ZFP91: variants seen among roughly 807,000 people sequenced by gnomAD.
ZFP91 encodes the protein ZFP91 zinc finger protein, atypical E3 ubiquitin ligase.
ZFP91 carries 7 observed loss-of-function variants against 63.5 expected under a neutral mutation model. The ratio of observed to expected loss-of-function variants is 0.11; its 90% CI spans 0.06 to 0.21. ZFP91 has a LOEUF of 0.21. Ranked by LOEUF, ZFP91 falls within the 10% of genes least tolerant of loss-of-function variation. The pLI, the probability that ZFP91 is intolerant of heterozygous loss-of-function variation, is 1.00. For missense variants in ZFP91, 628 were observed against 736.6 expected (o/e 0.85, Z 1.71); for synonymous variants, 330 against 272.1 (o/e 1.21, Z -2.10).
chr11:58,617,216 C>T lies in ZFP91; in HGVS notation c.1223C>T (p.Thr408Ile). 1 of 1,596,706 alleles carries T rather than the reference C, an allele frequency of 6.3e-7. No individual in the cohort carries two copies. The highest frequency in any genetic ancestry group is 8.5e-7 in the Non-Finnish European group (1 of 1,172,442). Residue 408 changes from threonine to isoleucine, a missense_variant, in exon 11 of 11, where the codon ACT becomes ATT. Thr to Ile is a moderately conservative substitution (Grantham distance 89, BLOSUM62 -1). This residue lies in a region of ZFP91 where 76 missense variants were observed against 230.9 expected (regional missense o/e 0.33). Coordinates refer to ENST00000316059, the MANE Select transcript of ZFP91 (RefSeq NM_053023.5). This position sits in a 1 kb window ranked among gnomAD's most constrained non-coding sequence, Gnocchi z 4.2. ...KPLQCEICGF[T>I]CRQKASLNWH... ...CTTAGATGTGAGATCTGTGGATTTA[C>T]TTGTCGACAAAAGGCATCTCTTAAT...
chr11:58,616,951 A>G (rs925593760), intron 10 of ZFP91, 136 bp downstream of exon 10: 10 of 904,122 alleles, frequency 1.1e-5, no homozygotes, highest in African/African-American at 6.7e-5. Context: ...GATTGGGGGC[A>G]TTAGTTAGTA....
chr11:58,597,147 A>G lies in ZFP91; in HGVS notation c.370+12263A>G, dbSNP rs73470735. 6.4e-3 allele frequency among the ~76,000 whole-genome samples: 979 copies of G among 152,274 alleles called. 12 individuals carry two copies. Among genetic ancestry groups the G allele is most frequent in the African/African-American group, 0.023 (948 of 41,566 alleles). ...AGCATCAATGGAACCAGTCTAGAAAATTAGTTCTTGTTTTCCTGACCTTTT... is the reference window on the plus strand; with the variant it reads ...AGCATCAATGGAACCAGTCTAGAAAGTTAGTTCTTGTTTTCCTGACCTTTT... On this transcript the variant is annotated intron_variant, in intron 2 of 10. Transcript: ENST00000316059.
Position 58,617,779 on chromosome 11 carries a change from C to G in ZFP91, c.*73C>G. 1 of 1,437,636 alleles carries G rather than the reference C, an allele frequency of 7.0e-7. No homozygotes were observed. Among genetic ancestry groups the G allele is most frequent in the African/African-American group, 1.4e-5 (1 of 69,278 alleles). The allele number at this position is 1,437,636 out of a possible 1,614,324, so 89.1% of individuals were successfully genotyped here. A position where few individuals can be genotyped will look rare whatever the true frequency, so the allele number is the denominator to read the frequency against. On this transcript the variant is annotated 3_prime_UTR_variant, in exon 11 of 11. Coordinates refer to ENST00000316059, the MANE Select transcript of ZFP91 (RefSeq NM_053023.5). The surrounding 1 kb of genome is among the most constrained non-coding windows in gnomAD (Gnocchi z 4.2). The stretch of plus-strand genomic sequence containing the variant: ...AAGTTAAAAAGGACAAAAAAAAAAT[C>G]TAAAGCATTTAAAATCTAGTGAAAT...
Position 58,617,560 on chromosome 11 carries a change from A to C in ZFP91, c.1567A>C (p.Thr523Pro), listed in dbSNP as rs1855769937. 2 of 1,613,304 alleles carry C rather than the reference A, an allele frequency of 1.2e-6. No homozygotes were observed. The highest frequency in any genetic ancestry group is 1.7e-6 in the Non-Finnish European group (2 of 1,179,724). ...GATGTCAAAGTCATACTGCAGTGGG[A>C]CGGAACGGGTGAGCCTGATGGCTGA... ...EGMSKSYCSG[T>P]ERVSLMADGK... The change falls in exon 11 of 11, where the codon ACG becomes CCG. Residue 523 changes from threonine to proline, a missense_variant. By Grantham distance (38) the Thr-to-Pro change is conservative (BLOSUM62 -1). Around this residue, in one of 3 missense-constraint regions of ZFP91, gnomAD observed 115 missense variants for 125.4 expected, o/e 0.92. Coordinates refer to ENST00000316059, the MANE Select transcript of ZFP91 (RefSeq NM_053023.5). The surrounding 1 kb of genome is among the most constrained non-coding windows in gnomAD (Gnocchi z 4.2).
At chr11:58,580,161 A>C (rs537736017) in intron 1 of ZFP91, among the ~76,000 whole-genome samples, 1 of 146,168 alleles carries the variant, frequency 6.8e-6, no homozygotes, top group Non-Finnish European at 1.5e-5. Flanking sequence ...TTTGCCACTT[A>C]TTATGGTCAG....
At chr11:58,612,604 C>T (rs1855684769) in intron 7 of ZFP91, 158 bp from the exon 8 acceptor site, 2 of 650,920 alleles carry the variant, frequency 3.1e-6, no homozygotes, top group South Asian at 4.1e-5. Flanking sequence ...TTGGTTACTT[C>T]TAATACAAAT....
intron 2 of ZFP91, among the ~76,000 whole-genome samples, chr11:58,600,956 T>C (rs1855482668): frequency 6.6e-6 from 1 of 152,208 alleles, no homozygotes; most frequent in African/African-American, 2.4e-5. Flanking sequence ...ATATTACATA[T>C]GTTTTTGTAT....
chr11:58,612,358 A>G (rs779956088), intron 7 of ZFP91, 30 bp downstream of exon 7: 1 of 1,608,384 alleles, frequency 6.2e-7, no homozygotes, highest in South Asian at 1.1e-5. Context: ...ACTGTTTTAC[A>G]CCTTATTCCA....
chr11:58,611,247 A>T, intron 5 of ZFP91, 193 bp downstream of exon 5: 1 of 500,296 alleles, frequency 2.0e-6, no homozygotes, highest in East Asian at 3.2e-5. Context: ...CATTTGTAGA[A>T]CTTTATTTTG....
In ZFP91 at chr11:58,618,351, C is replaced by T. The variant is rs1855787211; in HGVS notation, c.*645C>T. The T allele has an allele frequency of 4.9e-6, 1 of 205,554 alleles. No individual in the cohort carries two copies. The highest frequency in any genetic ancestry group is 7.1e-5 in the South Asian group (1 of 14,094). The allele number at this position is 205,554 out of a possible 1,614,324, so 12.7% of individuals were successfully genotyped here. On this transcript the variant is annotated 3_prime_UTR_variant, in exon 11 of 11. Transcript: ENST00000316059. ...CTTCTTTGATCCCAGCATCTCAGTC[C>T]CCCTCCCAACCCTCCATATGGCTCT...
intron 1 of ZFP91, 39 bp downstream of exon 1, chr11:58,579,661 T>G (rs1855062746): frequency 3.3e-6 from 5 of 1,500,554 alleles, no homozygotes; most frequent in Non-Finnish European, 2.7e-6. Flanking sequence ...AAGACCCCCC[T>G]CTGTCCGTAC....
chr11:58,608,615 C>CT (rs1413745127), intron 2 of ZFP91, among the ~76,000 whole-genome samples: 1 of 151,632 alleles, frequency 6.6e-6, no homozygotes, highest in Non-Finnish European at 1.5e-5. Context: ...TTTGTTTTTT[C>CT]TTTTTTTGGA....
chr11:58,602,222 C>T (rs1855501949), intron 2 of ZFP91, among the ~76,000 whole-genome samples: 1 of 152,078 alleles, frequency 6.6e-6, no homozygotes, highest in South Asian at 2.1e-4. Context: ...TGCGCCTGGC[C>T]CAATATGTCT....
At chr11:58,597,565 C>A (rs1855423501) in intron 2 of ZFP91, among the ~76,000 whole-genome samples, 1 of 152,064 alleles carries the variant, frequency 6.6e-6, no homozygotes, top group Admixed American at 6.6e-5. Flanking sequence ...TCTTTCTTCA[C>A]CTTTCTTTTG....
chr11:58,619,827 G>T lies in ZFP91; in HGVS notation c.*2121G>T, dbSNP rs1855816958. 1 of 152,412 alleles carries T rather than the reference G, an allele frequency of 6.6e-6. No individual in the cohort carries two copies. Among genetic ancestry groups the T allele is most frequent in the African/African-American group, 2.4e-5 (1 of 41,440 alleles). 9.4% of individuals were successfully genotyped at this position (152,412 alleles called of 1,614,324 possible). A position where few individuals can be genotyped will look rare whatever the true frequency, so the allele number is the denominator to read the frequency against. Reference sequence around the variant, plus strand: ...ATATTGACTAGATTTGAAAATACAAGATTGATTAGATGAATCTACAAAAAA... The same window carrying T: ...ATATTGACTAGATTTGAAAATACAATATTGATTAGATGAATCTACAAAAAA... On this transcript the variant is annotated 3_prime_UTR_variant, in exon 11 of 11. Coordinates refer to ENST00000316059, the MANE Select transcript of ZFP91 (RefSeq NM_053023.5).
intron 5 of ZFP91, chr11:58,611,322 T>G (rs1855658436): frequency 4.1e-6 from 2 of 486,344 alleles, no homozygotes; most frequent in Non-Finnish European, 7.1e-6. Flanking sequence ...ATTGCCTGAA[T>G]ACTTAGAATT....
At chr11:58,601,934 T>G (rs886110409) in intron 2 of ZFP91, among the ~76,000 whole-genome samples, 56 of 152,102 alleles carry the variant, frequency 3.7e-4, no homozygotes, top group Non-Finnish European at 5.4e-4. Flanking sequence ...ATTTTTTTTT[T>G]CCCCCAAGAT....
rs1263122424 is a variant in ZFP91, at chr11:58,580,158, CTTA to C, written c.341+541_341+543del. 3.3e-5 allele frequency among the ~76,000 whole-genome samples: 5 copies of C among 151,174 alleles called. No individual in the cohort carries two copies. In the South Asian group the frequency reaches 6.3e-4, roughly 19 times the overall value. The stretch of plus-strand genomic sequence containing the variant: ...TCTCATTCTTTTGAGAAATTTGCCA[CTTA>C]TTATGGTCAGGTTAAAAGCCCACTG... On this transcript the variant is annotated intron_variant, in intron 1 of 10. Coordinates refer to ENST00000316059, the MANE Select transcript of ZFP91 (RefSeq NM_053023.5).
At chr11:58,609,691 T>A in intron 2 of ZFP91, 139 bp from the exon 3 acceptor site, 1 of 744,688 alleles carries the variant, frequency 1.3e-6, no homozygotes, top group Non-Finnish European at 2.1e-6. Context: ...CTTTTTTTAT[T>A]ATTTCAATTA....
Sources: allele counts gnomAD v4.1 joint callset (sites outside exome capture counted in the v4.1 genomes callset), GRCh38; gene constraint gnomAD v4.1.1; regional missense constraint gnomAD v4.1.1; non-coding constraint Gnocchi (gnomAD v3.1); transcripts MANE v1.5; gene names NCBI Gene and HGNC (gene_info 2026-07-23, HGNC 2026-07-21).